Variants in SMYD5 observed in about 807,000 individuals in gnomAD.
The protein encoded by SMYD5 is protein-lysine N-trimethyltransferase SMYD5.
Under a neutral mutation model 57.4 loss-of-function variants are expected in SMYD5, and 35 were observed. The observed-to-expected ratio is 0.61, with a 90% CI of 0.47 to 0.81. SMYD5 has a LOEUF of 0.81. SMYD5 is among the 30% of genes least tolerant of loss of function. SMYD5 has a pLI of 0.00. For synonymous variants in SMYD5, 198 were observed against 189.7 expected, an observed-to-expected ratio of 1.04 and a Z score of -0.36; for missense variants, 471 against 527.9, an observed-to-expected ratio of 0.89 and a Z score of 1.06.
intron 5 of SMYD5, among the ~76,000 whole-genome samples, 183 bp downstream of exon 5, chr2:73,221,417 C>T (rs906754814): frequency 2.0e-5 from 3 of 148,696 alleles, no homozygotes; most frequent in African/African-American, 5.0e-5. Context: ...GTGGAGAGCT[C>T]GTTTTGCCTG....
chr2:73,221,427 GT>G (rs1686394866), intron 5 of SMYD5, among the ~76,000 whole-genome samples, 193 bp downstream of exon 5: 1 of 145,304 alleles, frequency 6.9e-6, no homozygotes, highest in African/African-American at 2.6e-5. Context: ...CGTTTTGCCT[GT>G]AGTCTTTTTT....
In SMYD5 at chr2:73,225,880, A is replaced by AGAG. The variant is rs752801340; in HGVS notation, c.1206_1208dup (p.Glu403dup). ...ATGTGACCTCAGAAGAGGAAGAGGA[A>AGAG]GAGGAGGAGGAGGAGGAAGGAGAGC... On this transcript the variant is annotated inframe_insertion, in exon 13 of 13. Coordinates refer to ENST00000389501, the MANE Select transcript of SMYD5 (RefSeq NM_006062.3). 39 of 1,613,178 alleles carry AGAG rather than the reference A, an allele frequency of 2.4e-5. No individual in the cohort carries two copies. The East Asian group carries it at 2.9e-4, about 12-fold the overall frequency.
At chr2:73,220,844 C>T (rs1686373854) in intron 4 of SMYD5, 62 bp downstream of exon 4, 2 of 1,576,504 alleles carry the variant, frequency 1.3e-6, no homozygotes, top group Admixed American at 1.7e-5. Context: ...TGCCTGGGCT[C>T]ATCAGGTGTT....
Position 73,224,925 on chromosome 2 carries a change from C to A in SMYD5, c.1000C>A (p.His334Asn). 1 of 1,614,002 alleles carries A rather than the reference C, an allele frequency of 6.2e-7. No homozygotes were observed. Among genetic ancestry groups the A allele is most frequent in the Non-Finnish European group, 8.5e-7 (1 of 1,179,926 alleles). ...CTTTCCAGAAAACAACTTCCTTTTG[C>A]ATGTCACTGCTCTGGAGGATATTAA... ...TSFPENNFLL[H>N]VTALEDIKPG... is the part of the protein sequence containing the mutation. Residue 334 changes from histidine to asparagine, a missense_variant, in exon 11 of 13, where the codon CAT (histidine) becomes AAT (asparagine). Physicochemically the swap from His to Asn is moderately conservative, Grantham distance 68 (BLOSUM62 1). Transcript: ENST00000389501.
chr2:73,221,982 G>A lies in SMYD5; in HGVS notation c.642+52G>A, dbSNP rs374068351. The stretch of plus-strand genomic sequence containing the variant: ...CTTCCCTCCCCAAATATCCTAGGAT[G>A]TCTCTGGCCAGCTGTGGGGAGCACC... On this transcript the variant is annotated intron_variant, in intron 6 of 12. Transcript: ENST00000389501. The A allele has an allele frequency of 5.0e-4, 576 of 1,151,350 alleles. 9 individuals carry two copies. In the South Asian group the frequency reaches 6.9e-3, roughly 14 times the overall value. The allele number at this position is 1,151,350 out of a possible 1,614,324, so 71.3% of individuals were successfully genotyped here.
Position 73,226,131 on chromosome 2 carries a change from T to C in SMYD5, c.*185T>C. 2 of 766,248 alleles carry C rather than the reference T, an allele frequency of 2.6e-6. No individual in the cohort carries two copies. Among genetic ancestry groups the C allele is most frequent in the Admixed American group, 5.9e-5 (2 of 33,802 alleles). 47.5% of individuals were successfully genotyped at this position (766,248 alleles called of 1,614,324 possible). On this transcript the variant is annotated 3_prime_UTR_variant, in exon 13 of 13. Coordinates refer to ENST00000389501, the MANE Select transcript of SMYD5 (RefSeq NM_006062.3). The stretch of plus-strand genomic sequence containing the variant: ...CCAACCCCCACCAGACCTCATGCCC[T>C]GGACACTGCTGCTGAGTTGGCTCAG...
intron 2 of SMYD5, among the ~76,000 whole-genome samples, chr2:73,219,671 C>T (rs762648097): frequency 2.0e-5 from 3 of 152,168 alleles, no homozygotes; most frequent in Admixed American, 1.3e-4. Flanking sequence ...CTTGAGCCAC[C>T]GTGCCCAACC....
chr2:73,223,902 CT>C, intron 9 of SMYD5, 44 bp from the exon 10 acceptor site: 1 of 1,586,802 alleles, frequency 6.3e-7, no homozygotes, highest in Non-Finnish European at 8.7e-7. Context: ...CTTTTCCTGC[CT>C]TTAAAAATGG....
intron 1 of SMYD5, among the ~76,000 whole-genome samples, chr2:73,215,432 A>C (rs1317644576): frequency 6.6e-6 from 1 of 151,938 alleles, no homozygotes; most frequent in African/African-American, 2.4e-5. Flanking sequence ...TTCCAGCTCA[A>C]CCTTCCGTGC....
intron 7 of SMYD5, 99 bp downstream of exon 7, chr2:73,222,916 C>G: frequency 6.7e-7 from 1 of 1,495,440 alleles, no homozygotes; most frequent in Middle Eastern, 1.7e-4. Flanking sequence ...GAGCCAAAGC[C>G]GACTTGGTCT....
intron 11 of SMYD5, 126 bp downstream of exon 11, chr2:73,225,086 CT>C: frequency 1.5e-6 from 1 of 671,892 alleles, no homozygotes. Context: ...CCCCACATAC[CT>C]TAGGGTCTGA....
Position 73,220,674 on chromosome 2 carries a change from G to C in SMYD5, c.359G>C (p.Ser120Thr), listed in dbSNP as rs1269481548. The stretch of plus-strand genomic sequence containing the variant: ...CCCACCTAACAGGTGATGTACTGCA[G>C]TGCAGAATGTCGGTTGGCAGCCACT... ...NCPHCQVMYC[S>T]AECRLAATEQ... Residue 120 changes from serine (S) to threonine (T), a missense_variant, in exon 4 of 13, where the codon AGT (serine) becomes ACT (threonine). Coordinates refer to ENST00000389501, the MANE Select transcript of SMYD5 (RefSeq NM_006062.3). 1.2e-6 allele frequency: 2 copies of C among 1,614,086 alleles called. No individual in the cohort carries two copies. Among genetic ancestry groups the C allele is most frequent in the South Asian group, 1.1e-5 (1 of 91,070 alleles).
At chr2:73,220,547 CTT>C in intron 3 of SMYD5, 112 bp from the exon 4 acceptor site, 1 of 1,277,946 alleles carries the variant, frequency 7.8e-7, no homozygotes, top group Non-Finnish European at 1.1e-6. Flanking sequence ...TATGTTTTCT[CTT>C]CTCATGATAC....
chr2:73,214,494 C>T, intron 1 of SMYD5, 132 bp downstream of exon 1: 2 of 1,496,566 alleles, frequency 1.3e-6, no homozygotes, highest in Middle Eastern at 2.5e-4. Flanking sequence ...CTGCTCGCGG[C>T]CCGGGGGCTC....
At chr2:73,222,715 C>G in intron 6 of SMYD5, 40 bp from the exon 7 acceptor site, 2 of 1,571,606 alleles carry the variant, frequency 1.3e-6, no homozygotes, top group Non-Finnish European at 8.7e-7. Flanking sequence ...AATGGGAAAT[C>G]CCCAGGGATA....
At chr2:73,220,459 C>T (rs1045569222) in intron 3 of SMYD5, among the ~76,000 whole-genome samples, 1 of 152,130 alleles carries the variant, frequency 6.6e-6, no homozygotes, top group East Asian at 1.9e-4. Flanking sequence ...GGGGCTCTCC[C>T]CTCTACCTGA....
chr2:73,220,804 C>T lies in SMYD5; in HGVS notation c.467+22C>T, dbSNP rs760909723. The T allele has an allele frequency of 1.9e-6, 3 of 1,612,692 alleles. No homozygotes were observed. The Admixed American group carries it at 5.0e-5, about 27-fold the overall frequency. ...GGAGGTAGGTTTCTTTTCCTCTCTT[C>T]TTTCCTTTATCCTTTCCTCCCTGGT... On this transcript the variant is annotated intron_variant, in intron 4 of 12. Transcript: ENST00000389501.
At chr2:73,217,363 A>C (rs1686310163) in intron 1 of SMYD5, among the ~76,000 whole-genome samples, 1 of 152,168 alleles carries the variant, frequency 6.6e-6, no homozygotes, top group East Asian at 1.9e-4. Context: ...TTGATTACGA[A>C]ATATTTTCTG....
At chr2:73,215,261 T>C (rs987308777) in intron 1 of SMYD5, among the ~76,000 whole-genome samples, 3 of 152,264 alleles carry the variant, frequency 2.0e-5, no homozygotes, top group Admixed American at 2.0e-4. Context: ...CCTATTGATA[T>C]GTGTAAAATT....
Sources: allele counts gnomAD v4.1 joint callset (sites outside exome capture counted in the v4.1 genomes callset), GRCh38; gene constraint gnomAD v4.1.1; transcripts MANE v1.5; gene names NCBI Gene and HGNC (gene_info 2026-07-23, HGNC 2026-07-21).